NRCAM: variants seen among roughly 807,000 people sequenced by gnomAD.
The protein encoded by NRCAM is NgCAM-related cell adhesion molecule.
In NRCAM, 83 loss-of-function variants were observed where a neutral mutation model predicts 156.5. The ratio of observed to expected loss-of-function variants is 0.53; its 90% CI spans 0.44 to 0.64. The LOEUF is 0.64. Ranked by LOEUF, NRCAM falls within the 30% of genes least tolerant of loss-of-function variation. The pLI is 0.00. For missense variants in NRCAM, 1,417 were observed against 1,597.3 expected (o/e 0.89, Z 1.92); for synonymous variants, 538 against 563.9 (o/e 0.95, Z 0.65).
rs1335174058 is a variant in NRCAM at position 108,184,657 on chromosome 7, A to C, written c.2036-43T>G. On this transcript the variant is annotated intron_variant, in intron 20 of 32. Transcript: ENST00000379028. ...ACACCAAACCCAAGACCGTGAATTC[A>C]GTCAACTCAGGGGTAGCTGCCAGCA... The C allele has an allele frequency of 2.5e-6, 4 of 1,576,694 alleles. No homozygotes were observed. The Admixed American group carries it at 6.8e-5, about 27-fold the overall frequency.
chr7:108,312,362 A>G (rs2098813992), intron 3 of NRCAM, among the ~76,000 whole-genome samples: 1 of 152,128 alleles, frequency 6.6e-6, no homozygotes, highest in Non-Finnish European at 1.5e-5. Context: ...CATTTTTACT[A>G]GCAGTGCTTT....
At chr7:108,335,434 C>CTTTGTTTTTTTTTTTTTTTTTTTTT (rs2099170649) in intron 2 of NRCAM, among the ~76,000 whole-genome samples, 1 of 69,876 alleles carries the variant, frequency 1.4e-5, no homozygotes, top group African/African-American at 5.9e-5. Context: ...GTTCCACCTG[C>CTTTGTTTTTTTTTTTTTTTTTTTTT]TTTTTTTTTT....
At chr7:108,213,985 G>T (rs2086279080) in intron 11 of NRCAM, among the ~76,000 whole-genome samples, 1 of 152,166 alleles carries the variant, frequency 6.6e-6, no homozygotes, top group African/African-American at 2.4e-5. Context: ...ATGTGCTGCT[G>T]GATTCAGTTT....
intron 1 of NRCAM, among the ~76,000 whole-genome samples, chr7:108,400,875 A>T (rs2099790555): frequency 6.6e-6 from 1 of 152,050 alleles, no homozygotes; most frequent in South Asian, 2.1e-4. Flanking sequence ...GCTGGGTATG[A>T]TCCAAAGACA....
chr7:108,207,218 A>G (rs2081625360), intron 13 of NRCAM: 1 of 215,464 alleles, frequency 4.6e-6, no homozygotes, highest in Admixed American at 5.6e-5. Flanking sequence ...TTGCACAAAG[A>G]AGATCATCTA....
At position 108,370,072 on chromosome 7, in the gene NRCAM, T is replaced by C. The variant is rs140306353; in HGVS notation, c.-174+29364A>G. Reference sequence around the variant, plus strand: ...ATTCATTCTGATGAAACTGCTGACCTATTTTCTAGGCTTGATGAAGAATTT... The same window carrying C: ...ATTCATTCTGATGAAACTGCTGACCCATTTTCTAGGCTTGATGAAGAATTT... On this transcript the variant is annotated intron_variant, in intron 2 of 32. Coordinates refer to ENST00000379028, the MANE Select transcript of NRCAM (RefSeq NM_001037132.4). Among the ~76,000 whole-genome samples, 9 of 152,316 alleles carry C rather than the reference T, an allele frequency of 5.9e-5. No individual in the cohort carries two copies. In the East Asian group the frequency reaches 1.3e-3, roughly 23 times the overall value.
intron 32 of NRCAM, chr7:108,150,571 G>A: frequency 4.5e-6 from 2 of 448,536 alleles, no homozygotes; most frequent in Non-Finnish European, 8.9e-6. Context: ...GTTGTGAATG[G>A]AGCATGATTT....
At chr7:108,215,011 C>A (rs2153627177) in intron 11 of NRCAM, among the ~76,000 whole-genome samples, 1 of 152,112 alleles carries the variant, frequency 6.6e-6, no homozygotes, top group Non-Finnish European at 1.5e-5. Flanking sequence ...TGTTTTACTT[C>A]CAATTATGTG....
At chr7:108,294,638 A>G (rs1355043171) in intron 3 of NRCAM, among the ~76,000 whole-genome samples, 1 of 152,222 alleles carries the variant, frequency 6.6e-6, no homozygotes, top group Non-Finnish European at 1.5e-5. Flanking sequence ...TACACAGACT[A>G]CTTGTGCAAT....
intron 3 of NRCAM, among the ~76,000 whole-genome samples, chr7:108,284,037 G>A (rs986405133): frequency 4.6e-5 from 7 of 152,010 alleles, no homozygotes; most frequent in African/African-American, 1.7e-4. Context: ...AGTAGAGACG[G>A]GGTTTCACTA....
chr7:108,226,429 C>G (rs778517247), intron 8 of NRCAM, 51 bp from the exon 9 acceptor site: 1 of 1,368,636 alleles, frequency 7.3e-7, no homozygotes, highest in Non-Finnish European at 1.0e-6. Context: ...AAGTGGCTAC[C>G]CTCCAAATTA....
At chr7:108,432,764 T>C (rs566888664) in intron 1 of NRCAM, among the ~76,000 whole-genome samples, 5 of 152,176 alleles carry the variant, frequency 3.3e-5, no homozygotes, top group Non-Finnish European at 7.4e-5. Flanking sequence ...CAGCCAAGTG[T>C]GGTGGTACGC....
intron 28 of NRCAM, among the ~76,000 whole-genome samples, chr7:108,174,714 T>A (rs1290899787): frequency 6.6e-6 from 1 of 152,250 alleles, no homozygotes; most frequent in Non-Finnish European, 1.5e-5. Flanking sequence ...CTTAGGCAGT[T>A]GGGTGAAGAC....
At chr7:108,413,110 C>T (rs188908615) in intron 1 of NRCAM, among the ~76,000 whole-genome samples, 20 of 152,254 alleles carry the variant, frequency 1.3e-4, no homozygotes, top group African/African-American at 4.6e-4. Context: ...CACAATACTA[C>T]TTTCCATAAT....
At chr7:108,422,562 A>C (rs187668829) in intron 1 of NRCAM, among the ~76,000 whole-genome samples, 176 of 152,330 alleles carry the variant, frequency 1.2e-3, no homozygotes, top group African/African-American at 4.0e-3. Context: ...AAGTACACTT[A>C]AAGTAAAAGA....
chr7:108,327,977 G>A (rs561816085), intron 2 of NRCAM, among the ~76,000 whole-genome samples: 8 of 152,078 alleles, frequency 5.3e-5, no homozygotes, highest in Non-Finnish European at 1.0e-4. Context: ...ATATGAAAAT[G>A]GTCTGTGAGA....
At chr7:108,244,421 G>A (rs748460272) in intron 3 of NRCAM, among the ~76,000 whole-genome samples, 13 of 152,158 alleles carry the variant, frequency 8.5e-5, no homozygotes, top group Non-Finnish European at 1.6e-4. Flanking sequence ...TCAACTTGGG[G>A]ATGGTCACTT....
intron 3 of NRCAM, among the ~76,000 whole-genome samples, chr7:108,293,105 G>T (rs1431404540): frequency 6.6e-6 from 1 of 152,086 alleles, no homozygotes; most frequent in Admixed American, 6.6e-5. Flanking sequence ...TGGAACAGGG[G>T]CCATGGAAAA....
intron 24 of NRCAM, among the ~76,000 whole-genome samples, chr7:108,181,322 G>T (rs1360425111): frequency 6.6e-6 from 1 of 152,064 alleles, no homozygotes; most frequent in African/African-American, 2.4e-5. Flanking sequence ...TGCCTCTCAA[G>T]AACAAAGATA....
Sources: allele counts gnomAD v4.1 joint callset (sites outside exome capture counted in the v4.1 genomes callset), GRCh38; gene constraint gnomAD v4.1.1; transcripts MANE v1.5; gene names NCBI Gene and HGNC (gene_info 2026-07-23, HGNC 2026-07-21).